Variants in ABCC9 observed in about 807,000 individuals in gnomAD.
ABCC9 encodes ATP binding cassette subfamily C member 9.
ABCC9 carries 95 observed loss-of-function variants against 188.3 expected under a neutral mutation model. The observed-to-expected ratio is 0.50, with a 90% CI of 0.43 to 0.60. The LOEUF (loss-of-function observed/expected upper bound fraction) is 0.60. Among genes scored for constraint, ABCC9 ranks in the 20% least tolerant of loss-of-function variants. ABCC9 has a pLI of 0.00. For missense variants in ABCC9, 1,102 were observed against 1,876.3 expected, an observed-to-expected ratio of 0.59 and a Z score of 7.62; for synonymous variants, 659 against 652.7, an observed-to-expected ratio of 1.01 and a Z score of -0.15.
Position 21,859,663 on chromosome 12 carries a change from T to A in ABCC9, c.2428A>T (p.Ile810Phe). The stretch of plus-strand genomic sequence containing the variant: ...TGCCTCTGTCCCCCACTCAGGTTGA[T>A]GCCCTAGAGAAGAGACACCCCCAAA... ...GDQTEIGERG[I>F]NLSGGQRQRI... The change falls in exon 22 of 40, where the codon ATC (isoleucine) becomes TTC (phenylalanine). Residue 810 changes from isoleucine to phenylalanine, a missense_variant. This residue lies in a region of ABCC9 where 31 missense variants were observed against 78.8 expected (regional missense o/e 0.39). Transcript: ENST00000261200. 6.2e-7 allele frequency: 1 copy of A among 1,613,872 alleles called. No individual in the cohort carries two copies. Among genetic ancestry groups the A allele is most frequent in the Non-Finnish European group, 8.5e-7 (1 of 1,179,810 alleles).
chr12:21,834,588 G>A lies in ABCC9; in HGVS notation c.3566+3490C>T, dbSNP rs78797378. The stretch of plus-strand genomic sequence containing the variant: ...AAGGGCCTTTAATGGCCTCTAGGGA[G>A]GCGAAGTGCTTGGGTGCTGGCCTCT... On this transcript the variant is annotated intron_variant, in intron 30 of 39. Transcript: ENST00000261200. Among the ~76,000 whole-genome samples, 1,091 of 152,104 alleles carry A rather than the reference G, an allele frequency of 7.2e-3. 12 individuals are homozygous for A. Among genetic ancestry groups the A allele is most frequent in the African/African-American group, 0.025 (1,054 of 41,474 alleles).
chr12:21,824,350 C>G (rs1278124860), intron 31 of ABCC9, among the ~76,000 whole-genome samples: 1 of 152,044 alleles, frequency 6.6e-6, no homozygotes, highest in South Asian at 2.1e-4. Flanking sequence ...CCGACTTGAT[C>G]GTGGTGGATA....
chr12:21,864,743 T>A (rs1945698520), intron 18 of ABCC9, among the ~76,000 whole-genome samples: 1 of 152,162 alleles, frequency 6.6e-6, no homozygotes, highest in Non-Finnish European at 1.5e-5. Context: ...ATACAATGAC[T>A]GGGTTCTAGT....
chr12:21,807,978 C>T (rs906739818), intron 37 of ABCC9, among the ~76,000 whole-genome samples: 4 of 151,846 alleles, frequency 2.6e-5, no homozygotes, highest in East Asian at 1.9e-4. Flanking sequence ...CCTAGTACTG[C>T]GGTATCTTAC....
intron 14 of ABCC9, among the ~76,000 whole-genome samples, chr12:21,889,086 CAA>C: frequency 6.6e-6 from 1 of 152,174 alleles, no homozygotes; most frequent in East Asian, 1.9e-4. Flanking sequence ...GACACAATAA[CAA>C]AATGAGAAAA....
chr12:21,893,911 AC>A, intron 14 of ABCC9, 120 bp downstream of exon 14: 1 of 1,030,512 alleles, frequency 9.7e-7, no homozygotes, highest in Non-Finnish European at 1.4e-6. Flanking sequence ...CACAATTTTA[AC>A]AATGGTTGTC....
At chr12:21,906,070 G>GT in intron 12 of ABCC9, 56 bp downstream of exon 12, 1 of 1,537,828 alleles carries the variant, frequency 6.5e-7, no homozygotes. Flanking sequence ...TGAATAGACT[G>GT]TTGGTTATTC....
At chr12:21,817,861 C>G (rs1458396633) in intron 32 of ABCC9, among the ~76,000 whole-genome samples, 1 of 152,102 alleles carries the variant, frequency 6.6e-6, no homozygotes, top group Non-Finnish European at 1.5e-5. Flanking sequence ...AGTAGACCCT[C>G]CAACACTGCA....
chr12:21,890,037 C>T (rs1479533800), intron 14 of ABCC9, among the ~76,000 whole-genome samples: 1 of 152,068 alleles, frequency 6.6e-6, no homozygotes, highest in African/African-American at 2.4e-5. Context: ...GAATCTATCC[C>T]AATGCCTAAA....
At position 21,807,471 on chromosome 12, in the gene ABCC9, C is replaced by G. The variant is rs1941934581; in HGVS notation, c.4324G>C (p.Val1442Leu). 6.2e-7 allele frequency: 1 copy of G among 1,613,820 alleles called. No individual in the cohort carries two copies. Among genetic ancestry groups the G allele is most frequent in the Non-Finnish European group, 8.5e-7 (1 of 1,179,770 alleles). The change falls in exon 38 of 40, where the codon GTC becomes CTC. Residue 1442 changes from valine to leucine, a missense_variant. Val to Leu is a conservative substitution (Grantham distance 32, BLOSUM62 1). Around this residue, in one of 12 missense-constraint regions of ABCC9, gnomAD observed 67 missense variants for 101.0 expected, o/e 0.66. Transcript: ENST00000261200. Reference sequence around the variant, plus strand: ...CTAAAATTCTCCCCACCTTCAGTGACAACCGCATCTAAATCAGAGAAAGAA... The same window carrying G: ...CTAAAATTCTCCCCACCTTCAGTGAGAACCGCATCTAAATCAGAGAAAGAA... ...KSLPGGLDAV[V>L]TEGGENFSVG...
chr12:21,933,696 G>T (rs1949374998), intron 4 of ABCC9, 86 bp downstream of exon 4: 2 of 1,498,526 alleles, frequency 1.3e-6, no homozygotes, highest in Admixed American at 3.4e-5. Flanking sequence ...GCACATTTAT[G>T]GGCACAAGTT....
At position 21,812,114 on chromosome 12, in the gene ABCC9, C is replaced by T. The variant is rs374672511; in HGVS notation, c.4146G>A (p.Leu1382=). 1.2e-6 allele frequency: 2 copies of T among 1,613,280 alleles called. No homozygotes were observed. ...IDGIDISKLP[L]HTLRSRLSII... is the part of the protein sequence containing the mutation. ...TTGAAAGTCTAGAACGTAGTGTGTG[C>T]AGTGGTAATTTGGAAATGTCTATCC... Residue 1382 remains leucine (L), a synonymous_variant, in exon 36 of 40, where the codon CTG becomes CTA. Coordinates refer to ENST00000261200, the MANE Select transcript of ABCC9 (RefSeq NM_020297.4).
chr12:21,892,286 A>G (rs1234838267), intron 14 of ABCC9, among the ~76,000 whole-genome samples: 1 of 152,106 alleles, frequency 6.6e-6, no homozygotes, highest in African/African-American at 2.4e-5. Flanking sequence ...ATCAAGTCAA[A>G]GTCCTTTTAA....
At chr12:21,933,692 T>TA in intron 4 of ABCC9, 90 bp downstream of exon 4, 1 of 1,500,328 alleles carries the variant, frequency 6.7e-7, no homozygotes, top group South Asian at 1.1e-5. Context: ...TAAAGCACAT[T>TA]TATGGGCACA....
chr12:21,859,546 A>G (rs1272060840), intron 22 of ABCC9, 40 bp downstream of exon 22: 11 of 1,583,882 alleles, frequency 6.9e-6, no homozygotes, highest in Admixed American at 1.7e-5. Flanking sequence ...GTCCAGATGG[A>G]AGAATGAAAT....
At chr12:21,904,865 G>A (rs191697428) in intron 12 of ABCC9, among the ~76,000 whole-genome samples, 229 of 152,342 alleles carry the variant, frequency 1.5e-3, no homozygotes, top group African/African-American at 5.3e-3. Context: ...GTGGAAGACA[G>A]TGTGGTGATT....
chr12:21,876,036 A>T (rs2137606017), intron 16 of ABCC9, among the ~76,000 whole-genome samples: 1 of 152,314 alleles, frequency 6.6e-6, no homozygotes, highest in East Asian at 1.9e-4. Context: ...TGGGTGACAG[A>T]GCGAGACTCC....
intron 31 of ABCC9, among the ~76,000 whole-genome samples, chr12:21,822,418 CA>C (rs1269182721): frequency 6.0e-5 from 9 of 151,234 alleles, no homozygotes; most frequent in Admixed American, 2.0e-4. Flanking sequence ...CTACACTTTT[CA>C]AAAAATATTC....
In ABCC9 at chr12:21,941,102, T is replaced by G. The variant is rs1949666510; in HGVS notation, c.-137+98A>C. The G allele has an allele frequency of 6.6e-6, 1 of 152,146 alleles. No individual in the cohort carries two copies. The highest frequency in any genetic ancestry group is 1.5e-5 in the Non-Finnish European group (1 of 68,036). 9.4% of individuals were successfully genotyped at this position (152,146 alleles called of 1,614,324 possible). Reference sequence around the variant, plus strand: ...AGAAGTGCGAGAGAGTGCGAGGGCGTTTTTGGATAGCAGAAATGTTAGCTC... The same window carrying G: ...AGAAGTGCGAGAGAGTGCGAGGGCGGTTTTGGATAGCAGAAATGTTAGCTC... On this transcript the variant is annotated intron_variant, in intron 1 of 39. Coordinates refer to ENST00000261200, the MANE Select transcript of ABCC9 (RefSeq NM_020297.4). This position sits in a 1 kb window ranked among gnomAD's most constrained non-coding sequence, Gnocchi z 5.4.
Sources: allele counts gnomAD v4.1 joint callset (sites outside exome capture counted in the v4.1 genomes callset), GRCh38; gene constraint gnomAD v4.1.1; regional missense constraint gnomAD v4.1.1; non-coding constraint Gnocchi (gnomAD v3.1); transcripts MANE v1.5; gene names NCBI Gene and HGNC (gene_info 2026-07-23, HGNC 2026-07-21).